The following NPHP1 variants were observed in gnomAD, a reference collection of about 807,000 sequenced individuals.
NPHP1 encodes the protein nephrocystin 1, also known as nephrocystin-1.
A neutral mutation model predicts 90.4 loss-of-function variants in NPHP1; 70 were observed. The ratio of observed to expected loss-of-function variants is 0.77; its 90% confidence interval spans 0.64 to 0.95. The LOEUF (loss-of-function observed/expected upper bound fraction) is 0.95, where lower values mean the gene tolerates loss of function less well. NPHP1 is among the 40% of genes least tolerant of loss of function. The pLI is 0.00. For synonymous variants in NPHP1, 256 were observed against 271.7 expected, an observed-to-expected ratio of 0.94 and a Z score of 0.57; for missense variants, 764 against 795.9, an observed-to-expected ratio of 0.96 and a Z score of 0.48.
chr2:110,190,590 G>A (rs1007167749), intron 2 of NPHP1, among the ~76,000 whole-genome samples: 12 of 152,184 alleles, frequency 7.9e-5, no homozygotes, highest in South Asian at 2.1e-4. Flanking sequence ...ACACCTCCTC[G>A]CAAGCTGAGG....
intron 2 of NPHP1, 147 bp downstream of exon 2, chr2:110,201,274 G>T (rs1467433998): frequency 1.5e-6 from 1 of 671,012 alleles, no homozygotes; most frequent in Admixed American, 2.3e-5. Context: ...CAACCATCAG[G>T]TTTAGGTTGG....
At chr2:110,201,636 T>C (rs541525447) in intron 1 of NPHP1, 142 bp from the exon 2 acceptor site, 1 of 638,252 alleles carries the variant, frequency 1.6e-6, no homozygotes, top group East Asian at 2.7e-5. Context: ...AAAACCCATA[T>C]ACCCGCTACC....
chr2:110,143,546 G>A lies in NPHP1; in HGVS notation c.1525C>T (p.Leu509=), dbSNP rs779651177. Residue 509 remains leucine, a synonymous_variant, in exon 16 of 20, where the codon CTA becomes TTA. Transcript: ENST00000445609. ...CAGGTAAAAGCAGGTACCCACCTTA[G>A]TACATTTCTTGATCTTCTGTTCAAG... The part of the protein sequence containing the change: ...RSLNRRSRNV[L]SLLPETLIGN... 6.2e-7 allele frequency: 1 copy of A among 1,608,230 alleles called. No homozygotes were observed. Among genetic ancestry groups the A allele is most frequent in the East Asian group, 2.2e-5 (1 of 44,834 alleles).
chr2:110,154,198 T>TACCCAA (rs1681715513), intron 11 of NPHP1, among the ~76,000 whole-genome samples: 1 of 152,108 alleles, frequency 6.6e-6, no homozygotes, highest in East Asian at 1.9e-4. Context: ...AATGGGAGTT[T>TACCCAA]TCCCTGCACA....
Position 110,163,062 on chromosome 2 carries a change from T to A in NPHP1, c.845A>T (p.Gln282Leu), listed in dbSNP as rs1209789319. The A allele has an allele frequency of 3.7e-6, 6 of 1,612,316 alleles. No homozygotes were observed. The Admixed American group carries it at 8.3e-5, about 22-fold the overall frequency. The change falls in exon 9 of 20, where the codon CAG (glutamine) becomes CTG (leucine). Residue 282 changes from glutamine to leucine, a missense_variant. Transcript: ENST00000445609. ...PAGFRPSTLS[Q>L]LLEEGNQFRA... Reference sequence around the variant, plus strand: ...GCACGCATTACCTTCCTCCAGAAGCTGTGAGAGCGTGGAAGGCCTGAACCC... The same window carrying A: ...GCACGCATTACCTTCCTCCAGAAGCAGTGAGAGCGTGGAAGGCCTGAACCC...
rs1452357499 is a variant in NPHP1, at chr2:110,146,808, A to T, written c.1297T>A (p.Cys433Ser). The T allele has an allele frequency of 6.2e-7, 1 of 1,613,606 alleles. No individual in the cohort carries two copies. The highest frequency in any genetic ancestry group is 1.1e-5 in the South Asian group (1 of 91,072). The change falls in exon 14 of 20, where the codon TGT becomes AGT. Residue 433 changes from cysteine to serine, a missense_variant. Cys to Ser is a moderately radical substitution (Grantham distance 112). Transcript: ENST00000445609. ...AAAAGTTTAAGAAACACCCAGCCAC[A>T]GCTTAACTCTCCTCTTTCACCAGTT... is the stretch of plus-strand genomic sequence containing the variant. ...NSTGERGELS[C>S]GWVFLKLFDA...
At chr2:110,191,362 A>G (rs1405839959) in intron 2 of NPHP1, among the ~76,000 whole-genome samples, 2 of 152,200 alleles carry the variant, frequency 1.3e-5, no homozygotes, top group African/African-American at 2.4e-5. Context: ...ACACCAGGAG[A>G]TTACATCGCG....
chr2:110,129,848 A>ATAGAT lies in NPHP1; in HGVS notation c.1643-590_1643-589insATCTA, dbSNP rs1679656769. 2.6e-5 allele frequency among the ~76,000 whole-genome samples: 4 copies of ATAGAT among 152,326 alleles called. No homozygotes were observed. In the South Asian group the frequency reaches 8.3e-4, roughly 32 times the overall value. On this transcript the variant is annotated intron_variant, in intron 17 of 19. Transcript: ENST00000445609. ...TTCACAATAGATAACAGCACATGAA[A>ATAGAT]AATCTGTGCAAAGAAGCACATCAGG...
intron 18 of NPHP1, 65 bp from the exon 19 acceptor site, chr2:110,125,746 A>G (rs1679311564): frequency 7.8e-7 from 1 of 1,289,656 alleles, no homozygotes; most frequent in African/African-American, 1.5e-5. Context: ...CACTTATGCA[A>G]ATTTACTCTG....
intron 2 of NPHP1, chr2:110,185,117 T>C (rs1810097): frequency 0.4 from 227,475 of 574,038 alleles, 49,595 homozygotes; most frequent in African/African-American, 0.62. Flanking sequence ...TTTAAGAAGA[T>C]GTGGGTCTCC....
At chr2:110,173,198 C>T (rs1176748977) in intron 4 of NPHP1, among the ~76,000 whole-genome samples, 6 of 152,084 alleles carry the variant, frequency 3.9e-5, no homozygotes, top group Admixed American at 6.5e-5. Flanking sequence ...CCTCGTGATT[C>T]GCCCGCCTCA....
At chr2:110,166,336 C>T (rs1682725902) in intron 6 of NPHP1, among the ~76,000 whole-genome samples, 1 of 152,128 alleles carries the variant, frequency 6.6e-6, no homozygotes, top group Non-Finnish European at 1.5e-5. Context: ...CCACCTATTC[C>T]CCACCTCCTT....
At chr2:110,159,220 G>A (rs1312590123) in intron 11 of NPHP1, among the ~76,000 whole-genome samples, 3 of 151,936 alleles carry the variant, frequency 2.0e-5, no homozygotes, top group African/African-American at 7.2e-5. Flanking sequence ...TATCTATGAA[G>A]GATACTGTCT....
At chr2:110,125,590 A>C (rs372552107) in intron 19 of NPHP1, 47 bp downstream of exon 19, 1 of 1,513,048 alleles carries the variant, frequency 6.6e-7, no homozygotes, top group African/African-American at 1.4e-5. Flanking sequence ...GCAAGCAAAC[A>C]CCAGGTACTG....
chr2:110,163,119 T>A lies in NPHP1; in HGVS notation c.788A>T (p.Asp263Val). ...KAISEQINTV[D>V]VLTTMGAIPA... is the part of the protein sequence containing the mutation. ...AATAGCTCCCATCGTAGTTAACACA[T>A]CAACAGTGTTTATCTGCTGAAGACA... is the stretch of plus-strand genomic sequence containing the variant. Residue 263 changes from aspartate to valine, a missense_variant, in exon 9 of 20, where the codon GAT becomes GTT. Transcript: ENST00000445609. The A allele has an allele frequency of 5.0e-6, 8 of 1,611,468 alleles. No homozygotes were observed. The highest frequency in any genetic ancestry group is 6.8e-6 in the Non-Finnish European group (8 of 1,177,574).
In NPHP1 at chr2:110,179,695, A is replaced by C. The variant is rs1448732187; in HGVS notation, c.144-11T>G. On this transcript the variant is annotated splice_polypyrimidine_tract_variant and intron_variant, in intron 2 of 19. Coordinates refer to ENST00000445609, the MANE Select transcript of NPHP1 (RefSeq NM_001128178.3). ...TTTAACTGGATACATCTAAATTAAG[A>C]AAAAAAAGAAAATATATTGATTTTT... 1 of 1,115,208 alleles carries C rather than the reference A, an allele frequency of 9.0e-7. No homozygotes were observed. Among genetic ancestry groups the C allele is most frequent in the Non-Finnish European group, 1.3e-6 (1 of 745,226 alleles). The allele number at this position is 1,115,208 out of a possible 1,614,324, so 69.1% of individuals were successfully genotyped here. A position where few individuals can be genotyped will look rare whatever the true frequency, so the allele number is the denominator to read the frequency against.
intron 6 of NPHP1, among the ~76,000 whole-genome samples, chr2:110,165,581 A>G (rs1682672697): frequency 6.6e-6 from 1 of 152,182 alleles, no homozygotes; most frequent in Non-Finnish European, 1.5e-5. Context: ...AAAAATCATA[A>G]GTGGAAACAC....
In NPHP1 at chr2:110,169,836, A is replaced by G. The variant is rs1682989152; in HGVS notation, c.492T>C (p.Thr164=). ...ATGTAAGATCTCCAACTTGCTGAGC[A>G]GTAAAATCTCCAACAGCGATGTATT... ...GEEYIAVGDF[T]AQQVGDLTFK... The change falls in exon 5 of 20, where the codon ACT becomes ACC. Residue 164 remains threonine, a synonymous_variant. Transcript: ENST00000445609. The G allele has an allele frequency of 1.2e-6, 2 of 1,613,516 alleles. No individual in the cohort carries two copies. The highest frequency in any genetic ancestry group is 1.7e-6 in the Non-Finnish European group (2 of 1,179,542).
intron 11 of NPHP1, among the ~76,000 whole-genome samples, chr2:110,156,540 G>GA (rs1157394603): frequency 6.6e-6 from 1 of 151,878 alleles, no homozygotes. Context: ...AAAACAAAGA[G>GA]AAAAAAAATA....
Sources: allele counts gnomAD v4.1 joint callset (sites outside exome capture counted in the v4.1 genomes callset), GRCh38; gene constraint gnomAD v4.1.1; transcripts MANE v1.5; gene names NCBI Gene and HGNC (gene_info 2026-07-23, HGNC 2026-07-21).